ZFPM2: variants seen among roughly 807,000 people sequenced by gnomAD.
ZFPM2 encodes the protein zinc finger protein, FOG family member 2.
Under a neutral mutation model 98.6 loss-of-function variants are expected in ZFPM2, and 20 were observed. The observed-to-expected ratio is 0.20, with a 90% CI of 0.14 to 0.29. The LOEUF (loss-of-function observed/expected upper bound fraction) is 0.29. ZFPM2 is among the 10% of genes least tolerant of loss of function. The pLI is 1.00. For synonymous variants in ZFPM2, 518 were observed against 502.7 expected (o/e 1.03, Z -0.41); for missense variants, 1,310 against 1,388.6 (o/e 0.94, Z 0.90).
rs1814081226 is a variant in ZFPM2, at chr8:105,802,898, T to G, written c.2816T>G (p.Leu939Arg). 1 of 1,613,610 alleles carries G rather than the reference T, an allele frequency of 6.2e-7. No homozygotes were observed. Among genetic ancestry groups the G allele is most frequent in the South Asian group, 1.1e-5 (1 of 91,032 alleles). ...GNLFSSHLAT[L>R]QGLKVFSEAA... is the part of the protein sequence containing the mutation. ...TTATTTTCATCCCACCTAGCAACCC[T>G]GCAAGGCTTGAAGGTCTTTAGTGAA... Residue 939 changes from leucine to arginine, a missense_variant, in exon 8 of 8, where the codon CTG becomes CGG. Physicochemically the swap from Leu to Arg is moderately radical, Grantham distance 102. Coordinates refer to ENST00000407775, the MANE Select transcript of ZFPM2 (RefSeq NM_012082.4).
chr8:105,480,713 TG>T (rs201569161), intron 3 of ZFPM2, among the ~76,000 whole-genome samples: 2,874 of 152,150 alleles, frequency 0.019, 90 homozygotes, highest in African/African-American at 0.066. Flanking sequence ...AGGCAATATG[TG>T]TTTCCTGAAT....
chr8:105,677,438 C>T (rs2130914600), intron 5 of ZFPM2, among the ~76,000 whole-genome samples: 1 of 152,170 alleles, frequency 6.6e-6, no homozygotes, highest in South Asian at 2.1e-4. Flanking sequence ...CTCTTAAATC[C>T]AAAACTATTC....
At chr8:105,325,858 A>C (rs1425195529) in intron 1 of ZFPM2, among the ~76,000 whole-genome samples, 2 of 151,844 alleles carry the variant, frequency 1.3e-5, no homozygotes, top group Admixed American at 1.3e-4. Flanking sequence ...CTTTTGACAA[A>C]TACTTTTAAA....
chr8:105,563,554 A>G (rs1161487878), intron 4 of ZFPM2, among the ~76,000 whole-genome samples: 1 of 152,184 alleles, frequency 6.6e-6, no homozygotes, highest in Non-Finnish European at 1.5e-5. Flanking sequence ...TGATGTAGCC[A>G]CAAAATGCAG....
chr8:105,728,638 A>G (rs760211621), intron 5 of ZFPM2, among the ~76,000 whole-genome samples: 1 of 151,740 alleles, frequency 6.6e-6, no homozygotes, highest in Non-Finnish European at 1.5e-5. Flanking sequence ...AGGCATATCT[A>G]CAACAATTTC....
chr8:105,651,930 A>C (rs1032961499), intron 5 of ZFPM2, among the ~76,000 whole-genome samples: 1 of 152,184 alleles, frequency 6.6e-6, no homozygotes, highest in East Asian at 1.9e-4. Context: ...GAGATTTTTA[A>C]AATACCAGAG....
intron 1 of ZFPM2, among the ~76,000 whole-genome samples, chr8:105,417,721 G>A (rs1237000830): frequency 6.6e-6 from 1 of 152,116 alleles, no homozygotes; most frequent in Non-Finnish European, 1.5e-5. Flanking sequence ...AATCTAATAT[G>A]AGATGCATGA....
At chr8:105,582,970 C>T (rs1815635686) in intron 4 of ZFPM2, among the ~76,000 whole-genome samples, 1 of 152,162 alleles carries the variant, frequency 6.6e-6, no homozygotes, top group South Asian at 2.1e-4. Context: ...GCTCGTTTTT[C>T]TTGTTAGCAA....
chr8:105,674,859 G>C (rs1005566501), intron 5 of ZFPM2, among the ~76,000 whole-genome samples: 1 of 152,146 alleles, frequency 6.6e-6, no homozygotes, highest in African/African-American at 2.4e-5. Context: ...CCCAAAACTT[G>C]TGGAGCCAGA....
chr8:105,511,427 G>T (rs1454068005), intron 3 of ZFPM2, among the ~76,000 whole-genome samples: 2 of 152,232 alleles, frequency 1.3e-5, no homozygotes, highest in African/African-American at 2.4e-5. Flanking sequence ...TAGTTGGGAA[G>T]TGGGTGTGCA....
chr8:105,364,612 T>A (rs1194148007), intron 1 of ZFPM2, among the ~76,000 whole-genome samples: 3 of 151,686 alleles, frequency 2.0e-5, no homozygotes, highest in Admixed American at 6.6e-5. Context: ...AGAGATTGTG[T>A]CTGTCTTGAT....
At chr8:105,373,978 A>C (rs1586324954) in intron 1 of ZFPM2, among the ~76,000 whole-genome samples, 2 of 152,338 alleles carry the variant, frequency 1.3e-5, no homozygotes, top group Admixed American at 1.3e-4. Context: ...GAAGGAACGA[A>C]CTAGATATTG....
intron 5 of ZFPM2, among the ~76,000 whole-genome samples, chr8:105,684,737 A>G (rs1181324988): frequency 6.6e-6 from 1 of 152,094 alleles, no homozygotes; most frequent in Non-Finnish European, 1.5e-5. Context: ...TTCTCAACTA[A>G]CAGTTTCCTC....
At chr8:105,655,298 C>T (rs1817262324) in intron 5 of ZFPM2, among the ~76,000 whole-genome samples, 1 of 126,164 alleles carries the variant, frequency 7.9e-6, no homozygotes, top group Non-Finnish European at 1.6e-5. Context: ...ATGGGGTGGT[C>T]TTGGCTCACT....
At chr8:105,400,516 AAAG>A (rs1811319524) in intron 1 of ZFPM2, among the ~76,000 whole-genome samples, 1 of 152,166 alleles carries the variant, frequency 6.6e-6, no homozygotes, top group African/African-American at 2.4e-5. Flanking sequence ...AAATGATACA[AAAG>A]AAGAACTAAA....
At chr8:105,640,659 T>C (rs775179406) in intron 5 of ZFPM2, among the ~76,000 whole-genome samples, 1 of 152,138 alleles carries the variant, frequency 6.6e-6, no homozygotes, top group East Asian at 1.9e-4. Context: ...AAAACAAATG[T>C]CTTTCATTAC....
At chr8:105,796,174 C>CTT (rs1813806422) in intron 6 of ZFPM2, among the ~76,000 whole-genome samples, 1 of 152,088 alleles carries the variant, frequency 6.6e-6, no homozygotes, top group African/African-American at 2.4e-5. Flanking sequence ...TTTCCTGTAT[C>CTT]TTTACTTTGA....
chr8:105,749,336 C>T (rs570322988), intron 5 of ZFPM2, among the ~76,000 whole-genome samples: 204 of 152,108 alleles, frequency 1.3e-3, no homozygotes, highest in Admixed American at 3.7e-3. Flanking sequence ...AAAAGACTCC[C>T]TTGCATGCCA....
intron 5 of ZFPM2, among the ~76,000 whole-genome samples, chr8:105,690,259 A>G (rs1417355812): frequency 6.6e-6 from 1 of 152,258 alleles, no homozygotes; most frequent in African/African-American, 2.4e-5. Context: ...ATTCACAGTT[A>G]TAGAATCATT....
Sources: gnomAD v4.1 joint callset for allele counts (sites outside exome capture counted in the v4.1 genomes callset) on GRCh38, gnomAD v4.1.1 for gene constraint, MANE v1.5 for transcripts, NCBI Gene and HGNC (gene_info 2026-07-23, HGNC 2026-07-21) for gene names.